The following TTC21A variants were observed in gnomAD, a reference collection of about 807,000 sequenced individuals.
The protein encoded by TTC21A is tetratricopeptide repeat domain 21A.
In TTC21A, 128 loss-of-function variants were observed where a neutral mutation model predicts 156.4. The observed-to-expected ratio is 0.82, with a 90% CI of 0.71 to 0.95. TTC21A has a LOEUF of 0.95. TTC21A is among the 40% of genes least tolerant of loss of function. TTC21A has a pLI of 0.00. For synonymous variants in TTC21A, 587 were observed against 617.1 expected (o/e 0.95, Z 0.72); for missense variants, 1,435 against 1,602.3 (o/e 0.90, Z 1.78).
chr3:39,118,440 G>A (rs917842148), intron 7 of TTC21A: 9 of 500,412 alleles, frequency 1.8e-5, no homozygotes, highest in African/African-American at 1.3e-4. Flanking sequence ...TAAGCCGCAG[G>A]CTTCCTGTTT....
Position 39,129,074 on chromosome 3 carries a change from T to G in TTC21A, c.1899T>G (p.His633Gln). 1 of 1,614,190 alleles carries G rather than the reference T, an allele frequency of 6.2e-7. No individual in the cohort carries two copies. The highest frequency in any genetic ancestry group is 1.3e-5 in the African/African-American group (1 of 75,058). Residue 633 changes from histidine (H) to glutamine (Q), a missense_variant and splice_region_variant, in exon 15 of 29, where the codon CAT (histidine) becomes CAG (glutamine). Coordinates refer to ENST00000683103, the MANE Select transcript of TTC21A (RefSeq NM_001366900.1). ...TCTGTTTGATTCCCATGTTTTAGCA[T>G]GAGGCCACCAAGGTCATGCAGGACA... ...VEALRLNGEL[H>Q]EATKVMQDTI...
At chr3:39,136,214 C>A (rs2125866841) in intron 22 of TTC21A, 143 bp from the exon 23 acceptor site, 1 of 739,416 alleles carries the variant, frequency 1.4e-6, no homozygotes, top group East Asian at 2.6e-5. Context: ...ACCCTGGAGA[C>A]CAGTGGAGAC....
At chr3:39,125,285 C>T (rs1433705111) in intron 10 of TTC21A, 47 bp from the exon 11 acceptor site, 2 of 1,595,770 alleles carry the variant, frequency 1.3e-6, no homozygotes, top group Non-Finnish European at 1.7e-6. Context: ...CCTACCAAAT[C>T]TGCCCAGGCT....
chr3:39,134,255 G>GGCA lies in TTC21A; in HGVS notation c.2790_2792dup (p.Gly930_His931insGln). On this transcript the variant is annotated inframe_insertion, in exon 21 of 29. Transcript: ENST00000683103. This position sits in a 1 kb window ranked among gnomAD's most constrained non-coding sequence, Gnocchi z 4.6. ...CTGGCGCAGCTCTACCTGCTCCAGG[G>GGCA]GCACCTGGACCTGTGTGAGCAGCAC... is the stretch of plus-strand genomic sequence containing the variant. 1 of 1,613,836 alleles carries GGCA rather than the reference G, an allele frequency of 6.2e-7. No homozygotes were observed. The highest frequency in any genetic ancestry group is 8.5e-7 in the Non-Finnish European group (1 of 1,179,832).
chr3:39,134,994 C>T lies in TTC21A; in HGVS notation c.2863-99C>T. On this transcript the variant is annotated intron_variant, in intron 21 of 28. Coordinates refer to ENST00000683103, the MANE Select transcript of TTC21A (RefSeq NM_001366900.1). The surrounding 1 kb of genome is among the most constrained non-coding windows in gnomAD (Gnocchi z 4.6). ...TGCCTTGCAAGTCCTTTTCTACCTT[C>T]CCTTCTTACCACCATCACCCCCATA... 1.9e-6 allele frequency: 2 copies of T among 1,042,510 alleles called. No homozygotes were observed. The highest frequency in any genetic ancestry group is 4.7e-5 in the East Asian group (2 of 42,184). The allele number at this position is 1,042,510 out of a possible 1,614,324, so 64.6% of individuals were successfully genotyped here. A position where few individuals can be genotyped will look rare whatever the true frequency, so the allele number is the denominator to read the frequency against.
In TTC21A at chr3:39,120,994, C is replaced by T. The variant is rs577185923; in HGVS notation, c.901-3C>T. ...CCAATTCCCACCTTCCTGTTTCTTG[C>T]AGTGTGGGAGTCACCAGGTGATTCT... is the stretch of plus-strand genomic sequence containing the variant. On this transcript the variant is annotated splice_region_variant and splice_polypyrimidine_tract_variant and intron_variant, in intron 8 of 28. Coordinates refer to ENST00000683103, the MANE Select transcript of TTC21A (RefSeq NM_001366900.1). 3.5e-5 allele frequency: 56 copies of T among 1,592,402 alleles called. No homozygotes were observed. In the South Asian group the frequency reaches 4.2e-4, roughly 12 times the overall value.
In TTC21A at chr3:39,107,826, G is replaced by C. The variant is rs778962212; in HGVS notation, c.-12G>C. ...CCACCAGACCCGGACTCGGAGCCGC[G>C]AGCGGCCCGAGATGAGCAGCAATGA... On this transcript the variant is annotated 5_prime_UTR_variant, in exon 1 of 29. Transcript: ENST00000683103. 4.3e-5 allele frequency: 69 copies of C among 1,612,564 alleles called. No individual in the cohort carries two copies. The highest frequency in any genetic ancestry group is 2.4e-4 in the South Asian group (22 of 91,072).
At chr3:39,127,735 CA>C (rs1375637979) in intron 12 of TTC21A, among the ~76,000 whole-genome samples, 1 of 152,208 alleles carries the variant, frequency 6.6e-6, no homozygotes, top group Non-Finnish European at 1.5e-5. Context: ...CCGCAGCCCT[CA>C]AGCCCCAGGG....
chr3:39,138,784 C>A lies in TTC21A; in HGVS notation c.3938C>A (p.Pro1313His). The A allele has an allele frequency of 1.2e-6, 2 of 1,613,896 alleles. No homozygotes were observed. The highest frequency in any genetic ancestry group is 1.7e-6 in the Non-Finnish European group (2 of 1,179,862). The change falls in exon 29 of 29, where the codon CCC (proline) becomes CAC (histidine). Residue 1313 changes from proline to histidine, a missense_variant. Coordinates refer to ENST00000683103, the MANE Select transcript of TTC21A (RefSeq NM_001366900.1). ...GAAAAGGCCCGAAGGTCCCTGAGGC[C>A]CTAGCTGGGGTCAAGGGGCCTGGAC... ...ILEKARRSLR[P>H]
In TTC21A at chr3:39,129,287, G is replaced by T. The variant is rs765603282; in HGVS notation, c.2112G>T (p.Arg704Ser). ...TCTACCTGCAGACCCTCAGAGACAG[G>T]CGCCTCTACATCAGATGCTACCGGT... is the stretch of plus-strand genomic sequence containing the variant. ...ANIYLQTLRD[R>S]RLYIRCYREL... is the part of the protein sequence containing the mutation. The change falls in exon 15 of 29, where the codon AGG (arginine) becomes AGT (serine). Residue 704 changes from arginine to serine, a missense_variant. Physicochemically the swap from Arg to Ser is moderately radical, Grantham distance 110 (BLOSUM62 -1). Coordinates refer to ENST00000683103, the MANE Select transcript of TTC21A (RefSeq NM_001366900.1). 4.3e-6 allele frequency: 7 copies of T among 1,614,138 alleles called. No individual in the cohort carries two copies. The South Asian group carries it at 7.7e-5, about 18-fold the overall frequency.
chr3:39,112,342 G>T, intron 4 of TTC21A, 116 bp from the exon 5 acceptor site: 2 of 1,051,816 alleles, frequency 1.9e-6, no homozygotes, highest in Non-Finnish European at 2.9e-6. Context: ...GGATCTGCAC[G>T]GGACTGTGCC....
chr3:39,112,969 T>G (rs535233647), intron 5 of TTC21A, among the ~76,000 whole-genome samples: 1 of 152,278 alleles, frequency 6.6e-6, no homozygotes, highest in African/African-American at 2.4e-5. Context: ...TTAAATTCAT[T>G]TAGTGTGCCG....
chr3:39,123,449 G>T (rs1422772982), intron 9 of TTC21A, among the ~76,000 whole-genome samples: 2 of 152,196 alleles, frequency 1.3e-5, no homozygotes, highest in African/African-American at 4.8e-5. Context: ...TAAATGGGAT[G>T]TAACAGGCCT....
rs745463880 is a variant in TTC21A, at chr3:39,138,812, G to T, written c.*24G>T. ...AGCTGGGGTCAAGGGGCCTGGACCA[G>T]TAGAAGCCATCAACCTACTGAAGTT... On this transcript the variant is annotated 3_prime_UTR_variant, in exon 29 of 29. Transcript: ENST00000683103. 9 of 1,602,428 alleles carry T rather than the reference G, an allele frequency of 5.6e-6. No homozygotes were observed. The East Asian group carries it at 2.0e-4, about 36-fold the overall frequency.
intron 1 of TTC21A, among the ~76,000 whole-genome samples, chr3:39,108,669 A>C (rs577193816): frequency 6.6e-6 from 1 of 152,222 alleles, no homozygotes; most frequent in Non-Finnish European, 1.5e-5. Flanking sequence ...CCATGGGCTT[A>C]AGCTTCCTTA....
Position 39,109,129 on chromosome 3 carries a change from G to A in TTC21A, c.72G>A (p.Val24=). The A allele has an allele frequency of 6.2e-7, 1 of 1,614,148 alleles. No homozygotes were observed. Among genetic ancestry groups the A allele is most frequent in the South Asian group, 1.1e-5 (1 of 91,082 alleles). ...YYSQEKYFHH[V]QQAAAVGLEK... is the part of the protein sequence containing the mutation. ...GCCAGGAAAAGTACTTCCACCATGT[G>A]CAGCAGGCTGCAGCTGTGGGCCTGG... Residue 24 remains valine, a synonymous_variant, in exon 2 of 29, where the codon GTG becomes GTA. Transcript: ENST00000683103.
chr3:39,132,713 G>A, intron 19 of TTC21A: 1 of 368,472 alleles, frequency 2.7e-6, no homozygotes, highest in Non-Finnish European at 5.0e-6. Flanking sequence ...AGTCTACTGT[G>A]TGCCTTGGAC....
chr3:39,131,349 T>A (rs1014190876), intron 19 of TTC21A, among the ~76,000 whole-genome samples: 5 of 152,196 alleles, frequency 3.3e-5, no homozygotes, highest in African/African-American at 9.7e-5. Context: ...TCAAGGGTGA[T>A]AGTAGAGATA....
Position 39,125,403 on chromosome 3 carries a change from G to A in TTC21A, c.1263G>A (p.Leu421=). ...GGGAGGAAGAGACCACAGCGCTCCT[G>A]AAGGAGGCAGTGGAGCTTCACTTCT... The part of the protein sequence containing the change: ...HKGEEETTAL[L]KEAVELHFSS... The change falls in exon 11 of 29, where the codon CTG becomes CTA. Residue 421 remains leucine, a synonymous_variant. Transcript: ENST00000683103. 1.2e-6 allele frequency: 2 copies of A among 1,614,168 alleles called. No homozygotes were observed. The highest frequency in any genetic ancestry group is 4.5e-5 in the East Asian group (2 of 44,892).
Sources: gnomAD v4.1 joint callset for allele counts (sites outside exome capture counted in the v4.1 genomes callset) on GRCh38, gnomAD v4.1.1 for gene constraint, Gnocchi (gnomAD v3.1) non-coding constraint, MANE v1.5 for transcripts, NCBI Gene and HGNC (gene_info 2026-07-23, HGNC 2026-07-21) for gene names.